Variants in LRRC4C observed in about 807,000 individuals in gnomAD.
LRRC4C encodes the protein leucine-rich repeat-containing protein 4C.
In LRRC4C, 5 loss-of-function variants were observed where a neutral mutation model predicts 33.6. The observed-to-expected ratio is 0.15, with a 90% CI of 0.08 to 0.31. LRRC4C has a LOEUF of 0.31. LRRC4C is among the 10% of genes least tolerant of loss of function. LRRC4C has a pLI of 1.00. For missense variants in LRRC4C, 560 were observed against 796.7 expected, an observed-to-expected ratio of 0.70 and a Z score of 3.58; for synonymous variants, 329 against 302.0, an observed-to-expected ratio of 1.09 and a Z score of -0.93.
At chr11:40,784,186 T>G (rs2137304761) in intron 2 of LRRC4C, among the ~76,000 whole-genome samples, 1 of 152,320 alleles carries the variant, frequency 6.6e-6, no homozygotes, top group African/African-American at 2.4e-5. Flanking sequence ...TTTACCTTCA[T>G]GTTTCACTGA....
chr11:40,652,719 G>A (rs1304019790), intron 2 of LRRC4C, among the ~76,000 whole-genome samples: 7 of 152,208 alleles, frequency 4.6e-5, no homozygotes, highest in Non-Finnish European at 1.0e-4. Flanking sequence ...CTGAGACAGT[G>A]AGGAAGGAGA....
At chr11:40,388,484 C>G (rs182242734) in intron 3 of LRRC4C, among the ~76,000 whole-genome samples, 1 of 152,212 alleles carries the variant, frequency 6.6e-6, no homozygotes, top group East Asian at 1.9e-4. Flanking sequence ...TAGCCCTTCC[C>G]AAACCTTACA....
At chr11:41,302,714 C>T (rs564740176) in intron 1 of LRRC4C, among the ~76,000 whole-genome samples, 6 of 152,050 alleles carry the variant, frequency 3.9e-5, no homozygotes, top group African/African-American at 9.7e-5. Context: ...AAGTCTTCAA[C>T]AGTTCTTCAT....
At chr11:41,361,150 G>A (rs893076506) in intron 1 of LRRC4C, among the ~76,000 whole-genome samples, 2 of 152,160 alleles carry the variant, frequency 1.3e-5, no homozygotes, top group African/African-American at 2.4e-5. Context: ...GGCATGAGTG[G>A]ATATTCATTT....
chr11:41,399,959 C>T (rs899878614), intron 1 of LRRC4C, among the ~76,000 whole-genome samples: 10 of 151,904 alleles, frequency 6.6e-5, no homozygotes, highest in Non-Finnish European at 1.3e-4. Flanking sequence ...AGCACCAGGA[C>T]ATGTAAGCTA....
At chr11:40,987,941 C>T (rs1419113513) in intron 1 of LRRC4C, among the ~76,000 whole-genome samples, 2 of 151,884 alleles carry the variant, frequency 1.3e-5, no homozygotes, top group Non-Finnish European at 2.9e-5. Context: ...GTGCCAATGC[C>T]TCTGACTCCT....
intron 3 of LRRC4C, among the ~76,000 whole-genome samples, chr11:40,493,255 A>C (rs986103702): frequency 6.6e-6 from 1 of 152,108 alleles, no homozygotes; most frequent in Non-Finnish European, 1.5e-5. Context: ...TATAATAAAA[A>C]TGTGTATAGG....
chr11:41,065,272 A>G (rs1938143978), intron 1 of LRRC4C, among the ~76,000 whole-genome samples: 1 of 152,116 alleles, frequency 6.6e-6, no homozygotes, highest in Admixed American at 6.5e-5. Context: ...CTGACAGCTA[A>G]GGAAACTGGG....
intron 3 of LRRC4C, among the ~76,000 whole-genome samples, chr11:40,619,176 T>A (rs1239611491): frequency 6.6e-6 from 1 of 151,694 alleles, no homozygotes; most frequent in Non-Finnish European, 1.5e-5. Context: ...GGTTAATTGG[T>A]ACAACAAAAA....
At chr11:40,362,280 A>G (rs1237970122) in intron 3 of LRRC4C, among the ~76,000 whole-genome samples, 1 of 152,216 alleles carries the variant, frequency 6.6e-6, no homozygotes, top group Admixed American at 6.5e-5. Flanking sequence ...AATTAAGCAA[A>G]GAGCTCCTGC....
chr11:41,022,209 A>T (rs1054580861), intron 1 of LRRC4C, among the ~76,000 whole-genome samples: 6 of 150,140 alleles, frequency 4.0e-5, no homozygotes, highest in African/African-American at 9.7e-5. Context: ...AATATACAGA[A>T]CATATAAGTG....
At chr11:40,838,504 T>C (rs1370682772) in intron 2 of LRRC4C, among the ~76,000 whole-genome samples, 23 of 152,198 alleles carry the variant, frequency 1.5e-4, no homozygotes, top group Admixed American at 1.5e-3. Flanking sequence ...CACTTTTTCC[T>C]TATGCAAACT....
intron 1 of LRRC4C, among the ~76,000 whole-genome samples, chr11:41,360,865 A>C (rs1018496118): frequency 6.6e-6 from 1 of 152,102 alleles, no homozygotes; most frequent in African/African-American, 2.4e-5. Flanking sequence ...ACTTGTTCAA[A>C]TTTTATTTAC....
intron 3 of LRRC4C, among the ~76,000 whole-genome samples, chr11:40,525,634 T>C (rs12276783): frequency 0.088 from 13,342 of 152,194 alleles, 1,651 homozygotes; most frequent in African/African-American, 0.28. Context: ...TTACTTTATT[T>C]ATGCACTGGA....
intron 4 of LRRC4C, among the ~76,000 whole-genome samples, chr11:40,251,917 G>A (rs980029218): frequency 2.0e-5 from 3 of 152,164 alleles, no homozygotes; most frequent in African/African-American, 7.2e-5. Context: ...TTCAGTGTTA[G>A]GAGGTTTGTT....
chr11:41,269,979 C>T (rs187233910), intron 1 of LRRC4C, among the ~76,000 whole-genome samples: 1 of 152,186 alleles, frequency 6.6e-6, no homozygotes, highest in African/African-American at 2.4e-5. Flanking sequence ...ATATATAAAC[C>T]TGTTTTTATT....
rs114095632 is a variant in LRRC4C at position 40,519,261 on chromosome 11, A to T, written c.-270+128881T>A. 8.8e-3 allele frequency among the ~76,000 whole-genome samples: 1,336 copies of T among 152,238 alleles called. 10 individuals are homozygous for T. The highest frequency in any genetic ancestry group is 0.03 in the African/African-American group (1,264 of 41,540). On this transcript the variant is annotated intron_variant, in intron 3 of 6. Coordinates refer to ENST00000528697, the MANE Select transcript of LRRC4C (RefSeq NM_001258419.2). ...TAATAAAAAAATCAAATAGTTTTTTAAAAAAGAGAGAAGTCTTATGAAGTA... is the reference window on the plus strand; with the variant it reads ...TAATAAAAAAATCAAATAGTTTTTTTAAAAAGAGAGAAGTCTTATGAAGTA...
chr11:40,264,240 C>T (rs7945033), intron 4 of LRRC4C, among the ~76,000 whole-genome samples: 5 of 152,120 alleles, frequency 3.3e-5, no homozygotes, highest in African/African-American at 9.7e-5. Context: ...CAGGAAGAAA[C>T]GCTACCTCCA....
intron 5 of LRRC4C, among the ~76,000 whole-genome samples, chr11:40,209,505 G>A (rs1863419009): frequency 6.6e-6 from 1 of 152,072 alleles, no homozygotes; most frequent in Non-Finnish European, 1.5e-5. Flanking sequence ...CCAAACATTA[G>A]CCTCTTTTTT....
Sources: gnomAD v4.1 joint callset for allele counts (sites outside exome capture counted in the v4.1 genomes callset) on GRCh38, gnomAD v4.1.1 for gene constraint, MANE v1.5 for transcripts, NCBI Gene and HGNC (gene_info 2026-07-23, HGNC 2026-07-21) for gene names.